Variants in DOCK8 observed in about 807,000 individuals in gnomAD.
DOCK8 encodes dedicator of cytokinesis 8.
Under a neutral mutation model 245.6 loss-of-function variants are expected in DOCK8, and 141 were observed. The ratio of observed to expected loss-of-function variants is 0.57; its 90% confidence interval spans 0.50 to 0.66. The LOEUF is 0.66. Among genes scored for constraint, DOCK8 ranks in the 30% least tolerant of loss-of-function variants. The pLI, the probability that DOCK8 is intolerant of heterozygous loss-of-function variation, is 0.00. For synonymous variants in DOCK8, 1,168 were observed against 970.2 expected (o/e 1.20, Z -3.79); for missense variants, 2,965 against 2,603.4 (o/e 1.14, Z -3.02).
intron 6 of DOCK8, among the ~76,000 whole-genome samples, chr9:314,795 G>A (rs2050273218): frequency 1.5e-5 from 2 of 137,776 alleles, no homozygotes; most frequent in South Asian, 4.5e-4. Context: ...TTTTTTCGAT[G>A]ACACAATCAG....
chr9:400,563 TCAC>T (rs1281273360), intron 26 of DOCK8, among the ~76,000 whole-genome samples: 113 of 6,578 alleles, frequency 0.017, 8 homozygotes, highest in South Asian at 0.022. Context: ...ATCTTCACCA[TCAC>T]CACCACCACC....
At chr9:439,201 T>A in intron 39 of DOCK8, 44 bp from the exon 40 acceptor site, 1 of 1,613,844 alleles carries the variant, frequency 6.2e-7, no homozygotes, top group South Asian at 1.1e-5. Context: ...CTCTTACTAG[T>A]CTGGTCGCCC....
Position 446,484 on chromosome 9 carries a change from T to C in DOCK8, c.5695T>C (p.Phe1899Leu). ...CCGGAGGTTCATGTACACCACCCCG[T>C]TCACCCTGGAGGGGCGGCCTCGGGG... ...NLRRFMYTTP[F>L]TLEGRPRGEL... Residue 1899 changes from phenylalanine to leucine, a missense_variant, in exon 44 of 48, where the codon TTC (phenylalanine) becomes CTC (leucine). By Grantham distance (22) the Phe-to-Leu change is conservative. Around this residue, in one of 3 missense-constraint regions of DOCK8, gnomAD observed 2,825 missense variants for 2,453.5 expected, o/e 1.15. Transcript: ENST00000432829. 6.2e-7 allele frequency: 1 copy of C among 1,614,196 alleles called. No individual in the cohort carries two copies. The highest frequency in any genetic ancestry group is 8.5e-7 in the Non-Finnish European group (1 of 1,180,014).
chr9:290,382 T>G (rs1302861946), intron 4 of DOCK8, among the ~76,000 whole-genome samples: 1 of 152,196 alleles, frequency 6.6e-6, no homozygotes, highest in Non-Finnish European at 1.5e-5. Flanking sequence ...GCCAAAAGTT[T>G]GGGCACCTGG....
upstream of DOCK8, chr9:213,779 G>C (rs10964550): frequency 0.11 from 16,954 of 151,792 alleles, 1,381 homozygotes; most frequent in East Asian, 0.35. Context: ...CGCCAGGCTG[G>C]AGTGCAGTGG....
rs1293700141 is a variant in DOCK8 at position 317,124 on chromosome 9, T to G, written c.823T>G (p.Leu275Val). The change falls in exon 7 of 48, where the codon TTG (leucine) becomes GTG (valine). Residue 275 changes from leucine (L) to valine (V), a missense_variant. Transcript: ENST00000432829. ...CAGAATATTGGTCAAGTTGCTGACC[T>G]TGAAGTAAGTATCAACAAACACACT... is the stretch of plus-strand genomic sequence containing the variant. ...GNRILVKLLTLKFEIEIEPLF... is the reference protein window; with the variant it reads ...GNRILVKLLTVKFEIEIEPLF... 11 of 1,610,992 alleles carry G rather than the reference T, an allele frequency of 6.8e-6. No individual in the cohort carries two copies. Among genetic ancestry groups the G allele is most frequent in the Non-Finnish European group, 8.5e-6 (10 of 1,177,238 alleles).
intron 9 of DOCK8, among the ~76,000 whole-genome samples, chr9:328,723 C>T (rs75392218): frequency 6.6e-6 from 1 of 151,734 alleles, no homozygotes; most frequent in Non-Finnish European, 1.5e-5. Context: ...GTTTCATCCT[C>T]CTTTTTTTTT....
intron 24 of DOCK8, among the ~76,000 whole-genome samples, chr9:392,921 T>G (rs1271987982): frequency 6.6e-6 from 1 of 151,542 alleles, no homozygotes; most frequent in Non-Finnish European, 1.5e-5. Context: ...AGCCTAGCTC[T>G]GCAAAAATGA....
chr9:349,388 A>G (rs145883038), intron 14 of DOCK8, among the ~76,000 whole-genome samples: 1 of 152,258 alleles, frequency 6.6e-6, no homozygotes, highest in Non-Finnish European at 1.5e-5. Flanking sequence ...GATTCATGCA[A>G]CTATTAATGG....
At chr9:355,523 C>G (rs570422073) in intron 14 of DOCK8, among the ~76,000 whole-genome samples, 2 of 151,680 alleles carry the variant, frequency 1.3e-5, no homozygotes, top group African/African-American at 4.8e-5. Context: ...ATTTCTAGGA[C>G]ATCTGCAATG....
At chr9:418,315 A>AGCCT in intron 30 of DOCK8, 108 bp downstream of exon 30, 1 of 1,465,092 alleles carries the variant, frequency 6.8e-7, no homozygotes, top group Non-Finnish European at 9.5e-7. Flanking sequence ...TCTGTTGCAC[A>AGCCT]GGCTGGAGTG....
Position 399,269 on chromosome 9 carries a change from C to T in DOCK8, c.3234+10C>T, listed in dbSNP as rs1195068134. The T allele has an allele frequency of 2.2e-6, 3 of 1,336,926 alleles. No homozygotes were observed. Among genetic ancestry groups the T allele is most frequent in the Non-Finnish European group, 2.0e-6 (2 of 992,068 alleles). The allele number at this position is 1,336,926 out of a possible 1,614,324, so 82.8% of individuals were successfully genotyped here. ...ACATTATTGCAGCCAGGTGAGTGTC[C>T]CCCCCACCCCCACCCCCGAGCGAGC... On this transcript the variant is annotated intron_variant, in intron 26 of 47. Coordinates refer to ENST00000432829, the MANE Select transcript of DOCK8 (RefSeq NM_203447.4).
chr9:437,875 G>A (rs1339190714), intron 39 of DOCK8, among the ~76,000 whole-genome samples: 1 of 152,218 alleles, frequency 6.6e-6, no homozygotes, highest in Non-Finnish European at 1.5e-5. Context: ...AAGAAAGTCT[G>A]CAGAATCCTT....
chr9:457,926 A>T (rs926022306), intron 46 of DOCK8, among the ~76,000 whole-genome samples: 7 of 152,168 alleles, frequency 4.6e-5, no homozygotes, highest in African/African-American at 1.7e-4. Context: ...AAACTATGAC[A>T]TGAAGAGGTT....
At position 414,798 on chromosome 9, in the gene DOCK8, AG is replaced by A; in HGVS notation, c.3549del (p.Ala1185LeufsTer9). ...AEGEGISKVQ[R>X]KAVSAIHSLL... is the part of the protein sequence containing the mutation. ...TGCCAACAGAATCAGCAAAGTACAA[AG>A]GAAAGCTGTCAGTGCAATTCACAGC... On this transcript the variant is annotated frameshift_variant, in exon 29 of 48. Transcript: ENST00000432829. LOFTEE classifies it high-confidence loss of function. 6.2e-7 allele frequency: 1 copy of A among 1,614,228 alleles called. No individual in the cohort carries two copies. The highest frequency in any genetic ancestry group is 8.5e-7 in the Non-Finnish European group (1 of 1,180,028).
intron 22 of DOCK8, among the ~76,000 whole-genome samples, chr9:385,152 A>G (rs990838421): frequency 2.6e-5 from 4 of 152,220 alleles, no homozygotes; most frequent in African/African-American, 4.8e-5. Context: ...ATTAAATCGT[A>G]TAAACTTAAA....
chr9:382,384 G>A, intron 21 of DOCK8, 129 bp from the exon 22 acceptor site: 1 of 1,298,432 alleles, frequency 7.7e-7, no homozygotes, highest in Non-Finnish European at 1.1e-6. Flanking sequence ...GATTTGTTAA[G>A]AAGTCTCTAA....
At chr9:291,639 C>T (rs1255464794) in intron 4 of DOCK8, among the ~76,000 whole-genome samples, 1 of 151,840 alleles carries the variant, frequency 6.6e-6, no homozygotes, top group Non-Finnish European at 1.5e-5. Context: ...CAGTGTTGTG[C>T]TTAAAATGCA....
At chr9:344,690 T>C (rs7873573) in intron 14 of DOCK8, among the ~76,000 whole-genome samples, 38,086 of 152,044 alleles carry the variant, frequency 0.25, 5,968 homozygotes, top group African/African-American at 0.44. Flanking sequence ...CAAGCAACGA[T>C]CTCTAAACTC....
Sources: allele counts gnomAD v4.1 joint callset (sites outside exome capture counted in the v4.1 genomes callset), GRCh38; gene constraint gnomAD v4.1.1; regional missense constraint gnomAD v4.1.1; transcripts MANE v1.5; gene names NCBI Gene and HGNC (gene_info 2026-07-23, HGNC 2026-07-21).